MAGI2: variants seen among roughly 807,000 people sequenced by gnomAD.
MAGI2 encodes the protein membrane-associated guanylate kinase, WW and PDZ domain-containing protein 2.
A neutral mutation model predicts 133.3 loss-of-function variants in MAGI2; 35 were observed. The ratio of observed to expected loss-of-function variants is 0.26; its 90% confidence interval spans 0.20 to 0.35. MAGI2 has a LOEUF of 0.35. MAGI2 is among the 10% of genes least tolerant of loss of function. The pLI is 1.00. For synonymous variants in MAGI2, 729 were observed against 710.6 expected, an observed-to-expected ratio of 1.03 and a Z score of -0.41; for missense variants, 1,636 against 1,863.4, an observed-to-expected ratio of 0.88 and a Z score of 2.25.
At chr7:78,495,113 C>T (rs901165648) in intron 5 of MAGI2, among the ~76,000 whole-genome samples, 1 of 152,110 alleles carries the variant, frequency 6.6e-6, no homozygotes, top group Non-Finnish European at 1.5e-5. Context: ...TTTACGTTTA[C>T]AAAACACTTT....
chr7:78,941,576 T>A (rs1010416974), intron 2 of MAGI2, among the ~76,000 whole-genome samples: 1 of 152,052 alleles, frequency 6.6e-6, no homozygotes, highest in African/African-American at 2.4e-5. Context: ...CCTCAAGCCA[T>A]CCACCTGCCT....
Position 79,346,563 on chromosome 7 carries a change from C to T in MAGI2, c.301+106457G>A, listed in dbSNP as rs894539023. Among the ~76,000 whole-genome samples the T allele has an allele frequency of 2.0e-5, 3 of 151,958 alleles. No homozygotes were observed. In the South Asian group the frequency reaches 6.2e-4, roughly 31 times the overall value. ...ATCAATCCTTTTCTAGGCAATAAGG[C>T]TCTCTGCAACTGTACTGCCCTCTGT... On this transcript the variant is annotated intron_variant, in intron 1 of 21. Coordinates refer to ENST00000354212, the MANE Select transcript of MAGI2 (RefSeq NM_012301.4).
intron 3 of MAGI2, among the ~76,000 whole-genome samples, chr7:78,625,015 T>C (rs972183028): frequency 2.6e-5 from 4 of 152,116 alleles, no homozygotes; most frequent in African/African-American, 4.8e-5. Context: ...TCCATGCCTA[T>C]TATTGCCCCT....
At chr7:78,497,469 C>A (rs1205350233) in intron 5 of MAGI2, among the ~76,000 whole-genome samples, 2 of 152,180 alleles carry the variant, frequency 1.3e-5, no homozygotes. Context: ...CAGAAAAAAC[C>A]TTTCCCTCTT....
intron 6 of MAGI2, among the ~76,000 whole-genome samples, chr7:78,402,005 C>G (rs188146305): frequency 2.6e-5 from 4 of 152,172 alleles, no homozygotes; most frequent in African/African-American, 4.8e-5. Flanking sequence ...CAGAGGTTCC[C>G]CTCTTCTATG....
At chr7:78,419,985 T>C (rs1049147842) in intron 6 of MAGI2, among the ~76,000 whole-genome samples, 1 of 152,132 alleles carries the variant, frequency 6.6e-6, no homozygotes, top group African/African-American at 2.4e-5. Flanking sequence ...CCTCACAGGA[T>C]AGTAATGCCA....
At chr7:78,262,979 C>T (rs1003179760) in intron 9 of MAGI2, among the ~76,000 whole-genome samples, 2 of 152,136 alleles carry the variant, frequency 1.3e-5, no homozygotes, top group African/African-American at 4.8e-5. Flanking sequence ...ACTCCCGTCT[C>T]TCCCTCCTCT....
intron 1 of MAGI2, among the ~76,000 whole-genome samples, chr7:79,039,529 G>T (rs1480127409): frequency 6.6e-6 from 1 of 151,812 alleles, no homozygotes; most frequent in Non-Finnish European, 1.5e-5. Flanking sequence ...AAGCTAAAAA[G>T]CTTCTGTATA....
At chr7:78,903,731 A>AGTGTGTGT (rs57469274) in intron 2 of MAGI2, among the ~76,000 whole-genome samples, 17 of 150,836 alleles carry the variant, frequency 1.1e-4, no homozygotes, top group African/African-American at 3.4e-4. Context: ...CAAAGGCAAA[A>AGTGTGTGT]GTGTGTGTGT....
chr7:78,313,915 TA>T (rs950007524), intron 9 of MAGI2, among the ~76,000 whole-genome samples: 1 of 152,152 alleles, frequency 6.6e-6, no homozygotes, highest in African/African-American at 2.4e-5. Flanking sequence ...AAACATGAGT[TA>T]AAGTTATGGG....
intron 2 of MAGI2, among the ~76,000 whole-genome samples, chr7:78,633,449 T>A (rs1385932687): frequency 6.6e-6 from 1 of 152,176 alleles, no homozygotes; most frequent in East Asian, 1.9e-4. Flanking sequence ...TTCATGCCTG[T>A]AATCCCAGCA....
intron 2 of MAGI2, among the ~76,000 whole-genome samples, chr7:78,678,739 C>G (rs1815316346): frequency 6.6e-6 from 1 of 152,186 alleles, no homozygotes; most frequent in East Asian, 1.9e-4. Flanking sequence ...GCTTTAATAA[C>G]TACAATTTTT....
intron 1 of MAGI2, among the ~76,000 whole-genome samples, chr7:79,367,858 C>CATATATAT (rs367920302): frequency 2.5e-4 from 22 of 87,138 alleles, no homozygotes; most frequent in African/African-American, 5.6e-4. Context: ...ATATATGTGA[C>CATATATAT]ATATATATAT....
chr7:78,529,678 T>C (rs1797290138), intron 3 of MAGI2, among the ~76,000 whole-genome samples: 1 of 63,360 alleles, frequency 1.6e-5, no homozygotes, highest in Admixed American at 1.5e-4. Flanking sequence ...GTTTTTTTTT[T>C]TTTTTTTTTT....
chr7:79,174,175 G>A (rs1387904738), intron 1 of MAGI2, among the ~76,000 whole-genome samples: 1 of 151,894 alleles, frequency 6.6e-6, no homozygotes. Context: ...CTTACTGTGG[G>A]TTGTGCTCCA....
chr7:78,430,033 G>T (rs949355950), intron 6 of MAGI2, among the ~76,000 whole-genome samples: 4 of 151,982 alleles, frequency 2.6e-5, no homozygotes, highest in Admixed American at 6.6e-5. Flanking sequence ...CTCCAGAGTG[G>T]CATTTCCCAC....
chr7:79,402,046 TG>T (rs1376714985), intron 1 of MAGI2, among the ~76,000 whole-genome samples: 2 of 152,158 alleles, frequency 1.3e-5, no homozygotes, highest in Non-Finnish European at 2.9e-5. Flanking sequence ...GACATGGCTG[TG>T]TCAAAATTTT....
intron 1 of MAGI2, among the ~76,000 whole-genome samples, chr7:79,123,708 C>G (rs534436566): frequency 6.7e-6 from 1 of 148,846 alleles, no homozygotes; most frequent in Non-Finnish European, 1.5e-5. Context: ...ATCGCTTGAA[C>G]CCGGGAGGCA....
chr7:78,916,568 G>A (rs764750508), intron 2 of MAGI2, among the ~76,000 whole-genome samples: 50 of 152,088 alleles, frequency 3.3e-4, no homozygotes, highest in Non-Finnish European at 4.1e-4. Context: ...TGAAAGTTTC[G>A]CAGAGGAGGG....
Sources: gnomAD v4.1 joint callset for allele counts (sites outside exome capture counted in the v4.1 genomes callset) on GRCh38, gnomAD v4.1.1 for gene constraint, MANE v1.5 for transcripts, NCBI Gene and HGNC (gene_info 2026-07-23, HGNC 2026-07-21) for gene names.